The following CD163L1 variants were observed in gnomAD, a reference collection of about 807,000 sequenced individuals.
CD163L1 encodes the protein scavenger receptor cysteine-rich type 1 protein M160.
A neutral mutation model predicts 165.4 loss-of-function variants in CD163L1; 124 were observed. The observed-to-expected ratio is 0.75, with a 90% CI of 0.65 to 0.87. The LOEUF is 0.87. Among genes scored for constraint, CD163L1 ranks in the 40% least tolerant of loss-of-function variants. CD163L1 has a pLI of 0.00. For missense variants in CD163L1, 1,525 were observed against 1,799.9 expected (o/e 0.85, Z 2.76); for synonymous variants, 585 against 662.2 (o/e 0.88, Z 1.79).
intron 18 of CD163L1, among the ~76,000 whole-genome samples, chr12:7,359,372 G>GA (rs1555193285): frequency 6.6e-6 from 1 of 151,812 alleles, no homozygotes; most frequent in South Asian, 2.1e-4. Context: ...GAAGCCAGAG[G>GA]AAAAAAATTG....
At chr12:7,386,781 A>G (rs1333800210) in intron 8 of CD163L1, among the ~76,000 whole-genome samples, 7 of 152,186 alleles carry the variant, frequency 4.6e-5, no homozygotes, top group African/African-American at 2.4e-5. Flanking sequence ...ACATCCCTTC[A>G]TAATAAAAAC....
intron 9 of CD163L1, among the ~76,000 whole-genome samples, chr12:7,378,629 A>C (rs888868877): frequency 6.6e-6 from 1 of 152,138 alleles, no homozygotes; most frequent in Non-Finnish European, 1.5e-5. Context: ...CTACTGTTTA[A>C]ATTAATCTTC....
intron 4 of CD163L1, among the ~76,000 whole-genome samples, chr12:7,409,370 G>A (rs1948088610): frequency 6.6e-6 from 1 of 152,056 alleles, no homozygotes; most frequent in African/African-American, 2.4e-5. Context: ...ACCGAAGACT[G>A]CTTTTGTGGA....
rs1262782968 is a variant in CD163L1, at chr12:7,369,961, A to G, written c.3731-296T>C. 6.6e-6 allele frequency among the ~76,000 whole-genome samples: 1 copy of G among 152,098 alleles called. No individual in the cohort carries two copies. The highest frequency in any genetic ancestry group is 1.5e-5 in the Non-Finnish European group (1 of 68,018). ...CAAAACATATTGATTTCATTTTCCA[A>G]ATTTCAGTGTCCTATCTGACCCAAA... On this transcript the variant is annotated intron_variant, in intron 14 of 19. Transcript: ENST00000313599. The surrounding 1 kb of genome is among the most constrained non-coding windows in gnomAD (Gnocchi z 4.9).
At chr12:7,437,198 G>T (rs369175524) in intron 2 of CD163L1, among the ~76,000 whole-genome samples, 9 of 21,288 alleles carry the variant, frequency 4.2e-4, no homozygotes, top group Non-Finnish European at 1.3e-3. Flanking sequence ...TATTTTAATA[G>T]TATTACTTTT....
intron 1 of CD163L1, among the ~76,000 whole-genome samples, chr12:7,443,693 C>A (rs545254300): frequency 6.6e-6 from 1 of 152,064 alleles, no homozygotes; most frequent in Non-Finnish European, 1.5e-5. Flanking sequence ...TTCCATCTAC[C>A]AATGGAGACA....
At chr12:7,399,667 C>T (rs1299037446) in intron 6 of CD163L1, among the ~76,000 whole-genome samples, 6 of 151,594 alleles carry the variant, frequency 4.0e-5, no homozygotes, top group African/African-American at 1.2e-4. Context: ...TGCTGTGGCA[C>T]AATCTTGGTT....
At chr12:7,320,498 T>C in the CD163L1 span, among the ~76,000 whole-genome samples, 2 of 152,254 alleles carry the variant, frequency 1.3e-5, no homozygotes, top group East Asian at 1.9e-4. Context: ...AGATTGTGTA[T>C]GTCTGTTACT....
the CD163L1 span, among the ~76,000 whole-genome samples, chr12:7,341,153 A>G: frequency 1.1e-4 from 16 of 152,174 alleles, no homozygotes; most frequent in Admixed American, 1.0e-3. Context: ...TGAGAAGAAC[A>G]TTAGTCCAGA....
chr12:7,382,130 C>A (rs1947423945), intron 8 of CD163L1, among the ~76,000 whole-genome samples: 1 of 149,606 alleles, frequency 6.7e-6, no homozygotes. Context: ...CAATTATTAC[C>A]AATAAGAAAG....
chr12:7,378,907 C>T (rs984193640), intron 9 of CD163L1, 71 bp downstream of exon 9: 1 of 1,424,986 alleles, frequency 7.0e-7, no homozygotes, highest in Non-Finnish European at 9.5e-7. Context: ...ATAGCCACTT[C>T]ATAAACACGT....
At chr12:7,424,400 G>A (rs1041716658) in intron 4 of CD163L1, among the ~76,000 whole-genome samples, 21 of 152,084 alleles carry the variant, frequency 1.4e-4, no homozygotes, top group Admixed American at 7.9e-4. Flanking sequence ...GGCAAAAGCT[G>A]GAAGCATCCC....
chr12:7,330,664 T>A, the CD163L1 span, among the ~76,000 whole-genome samples: 3 of 152,168 alleles, frequency 2.0e-5, no homozygotes, highest in African/African-American at 7.2e-5. Flanking sequence ...ACACTAGCAC[T>A]GGGAAAAGGA....
At chr12:7,385,199 T>G (rs1947490833) in intron 8 of CD163L1, among the ~76,000 whole-genome samples, 2 of 149,926 alleles carry the variant, frequency 1.3e-5, no homozygotes, top group Non-Finnish European at 3.0e-5. Context: ...AGTAGAAAAG[T>G]AGAAATAGCT....
chr12:7,354,643 A>C (rs2136368097), downstream of CD163L1, among the ~76,000 whole-genome samples: 1 of 152,266 alleles, frequency 6.6e-6, no homozygotes, highest in African/African-American at 2.4e-5. Flanking sequence ...TATAAACAAC[A>C]GAATTTTTTT....
chr12:7,357,581 T>C (rs1048097967), intron 18 of CD163L1, 95 bp from the exon 19 acceptor site: 2 of 935,958 alleles, frequency 2.1e-6, no homozygotes, highest in Non-Finnish European at 3.4e-6. Flanking sequence ...GCTGGGAAAG[T>C]ATAATAGAGC....
chr12:7,351,281 G>A (rs775684784), downstream of CD163L1, among the ~76,000 whole-genome samples: 3 of 152,070 alleles, frequency 2.0e-5, no homozygotes, highest in Non-Finnish European at 2.9e-5. Flanking sequence ...AGATGAGTAC[G>A]TCTTAGCTTG....
chr12:7,341,894 G>T (rs981422669), downstream of CD163L1, among the ~76,000 whole-genome samples: 1 of 152,132 alleles, frequency 6.6e-6, no homozygotes, highest in Non-Finnish European at 1.5e-5. Flanking sequence ...TGAAAAAATG[G>T]TAATAAATAT....
At chr12:7,360,968 G>T (rs1946878634) in intron 18 of CD163L1, among the ~76,000 whole-genome samples, 1 of 151,892 alleles carries the variant, frequency 6.6e-6, no homozygotes. Flanking sequence ...GTTTTGCTTT[G>T]TTTTGTTTTG....
Sources: gnomAD v4.1 joint callset for allele counts (sites outside exome capture counted in the v4.1 genomes callset) on GRCh38, gnomAD v4.1.1 for gene constraint, Gnocchi (gnomAD v3.1) non-coding constraint, MANE v1.5 for transcripts, NCBI Gene and HGNC (gene_info 2026-07-23, HGNC 2026-07-21) for gene names.